CSMD3: variants seen among roughly 807,000 people sequenced by gnomAD.
CSMD3 encodes CUB and Sushi multiple domains 3.
Under a neutral mutation model 435.2 loss-of-function variants are expected in CSMD3, and 177 were observed. That is an observed-to-expected ratio of 0.41 (90% CI 0.36 to 0.46). The LOEUF is 0.46. Among genes scored for constraint, CSMD3 ranks in the 20% least tolerant of loss-of-function variants. The probability of loss-of-function intolerance (pLI) is 0.34; values close to 1 mark genes in which losing one functional copy is unlikely to be tolerated. For synonymous variants in CSMD3, 1,656 were observed against 1,520.5 expected (o/e 1.09, Z -2.07); for missense variants, 4,265 against 4,504.6 (o/e 0.95, Z 1.52).
rs569355474 is a variant in CSMD3 at position 112,675,722 on chromosome 8, G to GA, written c.2677+6719dup. On this transcript the variant is annotated intron_variant, in intron 16 of 70. Coordinates refer to ENST00000297405, the MANE Select transcript of CSMD3 (RefSeq NM_198123.2). ...GGAAATGACAAGGTACTGCTTAGGG[G>GA]AAAAAAATCACAGGGACCAAGTCTC... 1.1e-4 allele frequency among the ~76,000 whole-genome samples: 17 copies of GA among 152,052 alleles called. No individual in the cohort carries two copies. The South Asian group carries it at 2.3e-3, about 20-fold the overall frequency.
chr8:112,330,363 A>G (rs2130920389), intron 45 of CSMD3, among the ~76,000 whole-genome samples: 1 of 152,272 alleles, frequency 6.6e-6, no homozygotes, highest in African/African-American at 2.4e-5. Flanking sequence ...ATTAAATCAT[A>G]TTATGCTAAG....
At chr8:112,646,358 T>G (rs2074979154) in intron 19 of CSMD3, among the ~76,000 whole-genome samples, 1 of 152,076 alleles carries the variant, frequency 6.6e-6, no homozygotes, top group African/African-American at 2.4e-5. Context: ...GCATGCACAT[T>G]TATGTGTGTT....
At chr8:112,618,503 T>C (rs1018624404) in intron 22 of CSMD3, among the ~76,000 whole-genome samples, 2 of 152,050 alleles carry the variant, frequency 1.3e-5, no homozygotes, top group African/African-American at 4.8e-5. Flanking sequence ...CTGGGTTCCT[T>C]CCAAGGAACT....
chr8:112,271,124 C>T (rs987149397), intron 59 of CSMD3, among the ~76,000 whole-genome samples: 1 of 152,116 alleles, frequency 6.6e-6, no homozygotes, highest in African/African-American at 2.4e-5. Context: ...CTCTTGTTCA[C>T]TTGCTTTGAC....
chr8:113,064,719 A>T (rs1365412407), intron 5 of CSMD3, among the ~76,000 whole-genome samples: 1 of 152,204 alleles, frequency 6.6e-6, no homozygotes, highest in African/African-American at 2.4e-5. Context: ...ATAGCAGGTT[A>T]GTAGCTTGGT....
At chr8:112,950,884 G>A (rs2083782785) in intron 8 of CSMD3, among the ~76,000 whole-genome samples, 1 of 151,884 alleles carries the variant, frequency 6.6e-6, no homozygotes, top group Non-Finnish European at 1.5e-5. Flanking sequence ...TTAAAATGCA[G>A]AGCATGTGTA....
intron 4 of CSMD3, among the ~76,000 whole-genome samples, chr8:113,153,530 T>G (rs1355199720): frequency 6.6e-6 from 1 of 152,058 alleles, no homozygotes; most frequent in African/African-American, 2.4e-5. Context: ...ATATGACACT[T>G]ACATTGTTTG....
At chr8:112,261,791 A>G (rs1397947125) in intron 61 of CSMD3, among the ~76,000 whole-genome samples, 2 of 152,056 alleles carry the variant, frequency 1.3e-5, no homozygotes, top group African/African-American at 4.8e-5. Flanking sequence ...ATAGAAGTTT[A>G]TGGTACTCCA....
chr8:112,639,786 T>C lies in CSMD3; in HGVS notation c.3311-875A>G, dbSNP rs547104294. Among the ~76,000 whole-genome samples the C allele has an allele frequency of 1.3e-3, 194 of 152,266 alleles. 1 individual carries two copies. The highest frequency in any genetic ancestry group is 4.1e-3 in the African/African-American group (171 of 41,576). ...GGTTCATTTTTGGTGATGTATAGTA[T>C]GGCATTCCACCTTGTGAATATACCA... On this transcript the variant is annotated intron_variant, in intron 20 of 70. Transcript: ENST00000297405.
chr8:112,448,893 A>G (rs949052507), intron 32 of CSMD3, among the ~76,000 whole-genome samples: 8 of 152,160 alleles, frequency 5.3e-5, no homozygotes, highest in African/African-American at 1.9e-4. Context: ...CCAAAGTGCT[A>G]GAAAGTTGAG....
chr8:112,632,797 G>A (rs1217406998), intron 22 of CSMD3, among the ~76,000 whole-genome samples: 4 of 151,550 alleles, frequency 2.6e-5, no homozygotes, highest in South Asian at 2.1e-4. Flanking sequence ...TCAACTTACC[G>A]GTAGTTTTTA....
intron 36 of CSMD3, among the ~76,000 whole-genome samples, chr8:112,385,554 G>GA (rs11439310): frequency 0.81 from 123,861 of 152,106 alleles, 51,004 homozygotes; most frequent in African/African-American, 0.93. Context: ...AAGTAAAAGT[G>GA]AAAGACAATT....
intron 4 of CSMD3, among the ~76,000 whole-genome samples, chr8:113,157,667 A>G (rs371346776): frequency 1.4e-4 from 22 of 152,136 alleles, no homozygotes; most frequent in African/African-American, 5.3e-4. Context: ...TACGATTTCT[A>G]TGTTTGCATT....
At chr8:112,642,533 G>C (rs1340740896) in intron 20 of CSMD3, among the ~76,000 whole-genome samples, 1 of 152,040 alleles carries the variant, frequency 6.6e-6, no homozygotes, top group African/African-American at 2.4e-5. Context: ...TAGATATTTA[G>C]ATTTATCCTT....
At chr8:112,402,015 T>A (rs1014616849) in intron 35 of CSMD3, among the ~76,000 whole-genome samples, 1 of 152,228 alleles carries the variant, frequency 6.6e-6, no homozygotes, top group African/African-American at 2.4e-5. Context: ...AGAATTGGAA[T>A]CTTCTCTCTT....
At chr8:112,717,542 C>G (rs1350453728) in intron 13 of CSMD3, among the ~76,000 whole-genome samples, 1 of 152,102 alleles carries the variant, frequency 6.6e-6, no homozygotes, top group Admixed American at 6.6e-5. Flanking sequence ...TACCATTTGA[C>G]CCAGCAATCC....
At chr8:112,593,950 G>C (rs1472562348) in intron 22 of CSMD3, among the ~76,000 whole-genome samples, 2 of 152,080 alleles carry the variant, frequency 1.3e-5, no homozygotes, top group Non-Finnish European at 2.9e-5. Context: ...TTTTTGGTTA[G>C]TTTTGAATTA....
chr8:112,367,252 C>T (rs764947663), intron 38 of CSMD3, among the ~76,000 whole-genome samples: 2 of 152,108 alleles, frequency 1.3e-5, no homozygotes, highest in Admixed American at 6.6e-5. Flanking sequence ...TTGAAGAATA[C>T]ATCTATCTTG....
intron 24 of CSMD3, among the ~76,000 whole-genome samples, chr8:112,565,402 C>T (rs1258688317): frequency 2.6e-5 from 4 of 151,902 alleles, no homozygotes; most frequent in East Asian, 1.9e-4. Flanking sequence ...AACAACAAAC[C>T]GGTAACTAAA....
Sources: allele counts gnomAD v4.1 joint callset (sites outside exome capture counted in the v4.1 genomes callset), GRCh38; gene constraint gnomAD v4.1.1; transcripts MANE v1.5; gene names NCBI Gene and HGNC (gene_info 2026-07-23, HGNC 2026-07-21).